The following UBTD1 variants were observed in gnomAD, a reference collection of about 807,000 sequenced individuals.
UBTD1 encodes ubiquitin domain containing 1.
UBTD1 carries 19 observed loss-of-function variants against 21.7 expected under a neutral mutation model. The observed-to-expected ratio is 0.87, with a 90% CI of 0.61 to 1.28. The LOEUF (loss-of-function observed/expected upper bound fraction) is 1.28, where lower values mean the gene tolerates loss of function less well. UBTD1 is among the 50% of genes most tolerant of loss of function. UBTD1 has a pLI of 0.00. For synonymous variants in UBTD1, 116 were observed against 135.1 expected, an observed-to-expected ratio of 0.86 and a Z score of 0.98; for missense variants, 282 against 315.1, an observed-to-expected ratio of 0.89 and a Z score of 0.80.
intron 1 of UBTD1, among the ~76,000 whole-genome samples, chr10:97,509,999 A>G (rs185177594): frequency 5.4e-5 from 7 of 130,112 alleles, no homozygotes; most frequent in Admixed American, 4.8e-4. Context: ...AGCTCACTCT[A>G]TTGCCCAGGC....
At chr10:97,528,312 A>C (rs2040502782) in intron 1 of UBTD1, among the ~76,000 whole-genome samples, 2 of 126,466 alleles carry the variant, frequency 1.6e-5, no homozygotes, top group African/African-American at 3.1e-5. Context: ...CTGACCCCCA[A>C]CCTCCCTCCC....
At chr10:97,526,432 A>G (rs556403299) in intron 1 of UBTD1, among the ~76,000 whole-genome samples, 1 of 152,168 alleles carries the variant, frequency 6.6e-6, no homozygotes, top group African/African-American at 2.4e-5. Context: ...TCTCAAATCC[A>G]TCCTCTCATC....
chr10:97,504,142 A>G (rs772039851), intron 1 of UBTD1, among the ~76,000 whole-genome samples: 6 of 152,010 alleles, frequency 3.9e-5, no homozygotes, highest in Non-Finnish European at 8.8e-5. Context: ...GTTTTGCCTT[A>G]AATATGTCCC....
chr10:97,528,033 G>A (rs541532186), intron 1 of UBTD1, among the ~76,000 whole-genome samples: 1 of 149,896 alleles, frequency 6.7e-6, no homozygotes, highest in African/African-American at 2.4e-5. Context: ...GCCGGGCAGA[G>A]GCGCCCCTCA....
chr10:97,566,286 T>TA (rs34911218), intron 1 of UBTD1, among the ~76,000 whole-genome samples: 91 of 137,858 alleles, frequency 6.6e-4, no homozygotes, highest in Middle Eastern at 3.8e-3. Context: ...TTTTTTTTTT[T>TA]AAAACTATTA....
intron 1 of UBTD1, among the ~76,000 whole-genome samples, chr10:97,505,607 T>G (rs1021922790): frequency 1.3e-5 from 2 of 152,124 alleles, no homozygotes; most frequent in African/African-American, 4.8e-5. Flanking sequence ...CAACACAGAG[T>G]TTCATCTGGC....
At chr10:97,549,729 G>A (rs1157883092) in intron 1 of UBTD1, among the ~76,000 whole-genome samples, 1 of 152,204 alleles carries the variant, frequency 6.6e-6, no homozygotes, top group African/African-American at 2.4e-5. Context: ...GCTGGGGCCC[G>A]AGAGGAGGAA....
At chr10:97,554,716 A>G (rs765592734) in intron 1 of UBTD1, among the ~76,000 whole-genome samples, 11 of 151,852 alleles carry the variant, frequency 7.2e-5, no homozygotes, top group African/African-American at 1.7e-4. Context: ...ACACCTGGCT[A>G]ATTTTTTTTA....
intron 1 of UBTD1, among the ~76,000 whole-genome samples, chr10:97,501,067 A>G (rs2040374382): frequency 6.6e-6 from 1 of 152,110 alleles, no homozygotes; most frequent in Admixed American, 6.6e-5. Context: ...TCAGCCAGTC[A>G]TTGGGGTCTG....
chr10:97,545,586 TC>T (rs2040607158), intron 1 of UBTD1, among the ~76,000 whole-genome samples: 1 of 152,208 alleles, frequency 6.6e-6, no homozygotes, highest in Non-Finnish European at 1.5e-5. Flanking sequence ...TTTGTGTGTA[TC>T]TTTAATCCCC....
At position 97,570,210 on chromosome 10, in the gene UBTD1, T is replaced by G. The variant is rs1226985671; in HGVS notation, c.371T>G (p.Val124Gly). The change falls in exon 3 of 3, where the codon GTG becomes GGG. Residue 124 changes from valine to glycine, a missense_variant. Coordinates refer to ENST00000370664, the MANE Select transcript of UBTD1 (RefSeq NM_024954.5). The surrounding 1 kb of genome is among the most constrained non-coding windows in gnomAD (Gnocchi z 6.6). Reference protein sequence around the residue: ...QLPIYCLSPPVNLLLEHTEEE... With the variant: ...QLPIYCLSPPGNLLLEHTEEE... The stretch of plus-strand genomic sequence containing the variant: ...CCCATCTACTGCCTGTCACCGCCGG[T>G]GAACCTGCTGCTGGAGCACACGGAG... 1 of 1,613,280 alleles carries G rather than the reference T, an allele frequency of 6.2e-7. No homozygotes were observed. Among genetic ancestry groups the G allele is most frequent in the Non-Finnish European group, 8.5e-7 (1 of 1,179,972 alleles).
At chr10:97,550,210 A>G (rs1354412509) in intron 1 of UBTD1, among the ~76,000 whole-genome samples, 1 of 152,148 alleles carries the variant, frequency 6.6e-6, no homozygotes, top group East Asian at 1.9e-4. Context: ...TGCATCTGGG[A>G]AGGACACTGT....
intron 1 of UBTD1, among the ~76,000 whole-genome samples, chr10:97,510,315 A>G (rs1392321282): frequency 3.9e-5 from 6 of 152,200 alleles, no homozygotes; most frequent in Admixed American, 2.6e-4. Context: ...GAGAACATCT[A>G]TAAGATAGTT....
In UBTD1 at chr10:97,501,403, A is replaced by G. The variant is rs190538264; in HGVS notation, c.70+2130A>G. On this transcript the variant is annotated intron_variant, in intron 1 of 2. Coordinates refer to ENST00000370664, the MANE Select transcript of UBTD1 (RefSeq NM_024954.5). ...GGAGTTCGAGACCAGCCTGGCCAACATGGCAAAACCCTGTCTCTACTAAAA... is the reference window on the plus strand; with the variant it reads ...GGAGTTCGAGACCAGCCTGGCCAACGTGGCAAAACCCTGTCTCTACTAAAA... 2.7e-3 allele frequency among the ~76,000 whole-genome samples: 414 copies of G among 152,298 alleles called. 2 individuals are homozygous for G. In the Middle Eastern group the frequency reaches 0.054, roughly 20 times the overall value.
chr10:97,527,166 G>T (rs2135666948), intron 1 of UBTD1, among the ~76,000 whole-genome samples: 1 of 86,842 alleles, frequency 1.2e-5, no homozygotes, highest in Admixed American at 1.9e-4. Flanking sequence ...CGAAACTCTT[G>T]TCTCCAAAAA....
intron 1 of UBTD1, among the ~76,000 whole-genome samples, chr10:97,555,819 C>T (rs563922716): frequency 1.6e-4 from 24 of 152,282 alleles, no homozygotes; most frequent in African/African-American, 4.8e-4. Flanking sequence ...GCAGGCCAGG[C>T]GTGGTTTCGG....
At chr10:97,563,634 C>T (rs905875265) in intron 1 of UBTD1, among the ~76,000 whole-genome samples, 25 of 152,168 alleles carry the variant, frequency 1.6e-4, no homozygotes, top group African/African-American at 5.8e-4. Flanking sequence ...AAGAGGGAGT[C>T]AAGAGTGGCG....
intron 1 of UBTD1, among the ~76,000 whole-genome samples, chr10:97,549,200 G>T (rs1036026330): frequency 3.9e-5 from 6 of 152,182 alleles, no homozygotes; most frequent in African/African-American, 1.4e-4. Flanking sequence ...CCTCCAGCAG[G>T]TTTCCTCACT....
chr10:97,518,413 C>T (rs1192023571), intron 1 of UBTD1, among the ~76,000 whole-genome samples: 3 of 152,254 alleles, frequency 2.0e-5, no homozygotes, highest in Non-Finnish European at 2.9e-5. Context: ...CTGTATGAGT[C>T]ATGCCTACCG....
Sources: allele counts gnomAD v4.1 joint callset (sites outside exome capture counted in the v4.1 genomes callset), GRCh38; gene constraint gnomAD v4.1.1; non-coding constraint Gnocchi (gnomAD v3.1); transcripts MANE v1.5; gene names NCBI Gene and HGNC (gene_info 2026-07-23, HGNC 2026-07-21).